NKAIN3: variants seen among roughly 807,000 people sequenced by gnomAD.
NKAIN3 encodes the protein sodium/potassium-transporting ATPase subunit beta-1-interacting protein 3.
NKAIN3 carries 25 observed loss-of-function variants against 30.2 expected under a neutral mutation model. The ratio of observed to expected loss-of-function variants is 0.83; its 90% CI spans 0.60 to 1.16. The LOEUF is 1.16. NKAIN3 is among the 50% of genes most tolerant of loss of function. The probability of loss-of-function intolerance (pLI) is 0.00; values close to 1 mark genes in which losing one functional copy is unlikely to be tolerated. For missense variants in NKAIN3, 225 were observed against 254.1 expected (o/e 0.89, Z 0.78); for synonymous variants, 91 against 89.6 (o/e 1.02, Z -0.09).
At chr8:62,636,651 T>C (rs952544306) in intron 3 of NKAIN3, among the ~76,000 whole-genome samples, 5 of 152,294 alleles carry the variant, frequency 3.3e-5, no homozygotes, top group Non-Finnish European at 5.9e-5. Flanking sequence ...TAGGGGAGCA[T>C]TTTAGTGGGC....
intron 6 of NKAIN3, among the ~76,000 whole-genome samples, chr8:62,960,723 CG>C (rs1277779109): frequency 9.5e-6 from 1 of 105,594 alleles, no homozygotes; most frequent in Non-Finnish European, 1.8e-5. Flanking sequence ...TTACACAATA[CG>C]CAGGAAAAAA....
intron 5 of NKAIN3, among the ~76,000 whole-genome samples, chr8:62,938,906 T>C (rs943669669): frequency 3.9e-5 from 6 of 152,058 alleles, no homozygotes; most frequent in Non-Finnish European, 7.4e-5. Context: ...ACAAGAAATA[T>C]CTGTATGCCA....
At chr8:62,292,667 C>T (rs1224291355) in intron 1 of NKAIN3, among the ~76,000 whole-genome samples, 1 of 152,138 alleles carries the variant, frequency 6.6e-6, no homozygotes, top group Non-Finnish European at 1.5e-5. Flanking sequence ...CTGCTCTTAA[C>T]AATTTTTTCC....
intron 1 of NKAIN3, among the ~76,000 whole-genome samples, chr8:62,250,304 T>C (rs1812060533): frequency 6.6e-6 from 1 of 152,188 alleles, no homozygotes; most frequent in Non-Finnish European, 1.5e-5. Context: ...GGATGTGCCC[T>C]TCATTGTTCA....
chr8:62,879,362 TG>T (rs1222696771), intron 4 of NKAIN3, among the ~76,000 whole-genome samples: 15 of 152,218 alleles, frequency 9.9e-5, no homozygotes, highest in African/African-American at 3.6e-4. Flanking sequence ...TGGGGCTGTT[TG>T]TTTTTTTCTT....
chr8:62,743,236 G>A (rs931386203), intron 3 of NKAIN3, among the ~76,000 whole-genome samples: 8 of 152,130 alleles, frequency 5.3e-5, no homozygotes, highest in Non-Finnish European at 1.0e-4. Flanking sequence ...TATTTTCTGT[G>A]TGGTGTTTCC....
At chr8:62,791,885 T>C (rs545013646) in intron 4 of NKAIN3, among the ~76,000 whole-genome samples, 1 of 152,258 alleles carries the variant, frequency 6.6e-6, no homozygotes, top group East Asian at 1.9e-4. Flanking sequence ...TGTTCTGTCT[T>C]TCTTGGCTTT....
At chr8:62,777,061 G>A (rs1563556805) in intron 4 of NKAIN3, among the ~76,000 whole-genome samples, 4 of 152,174 alleles carry the variant, frequency 2.6e-5, no homozygotes, top group African/African-American at 9.7e-5. Context: ...TGACAAGTCT[G>A]CTGCCAGGCA....
intron 1 of NKAIN3, among the ~76,000 whole-genome samples, chr8:62,301,166 A>G (rs1221895167): frequency 6.6e-6 from 1 of 152,042 alleles, no homozygotes; most frequent in Non-Finnish European, 1.5e-5. Context: ...AGGAAATTCT[A>G]TAAATTCAAA....
intron 3 of NKAIN3, among the ~76,000 whole-genome samples, chr8:62,594,094 G>T (rs796926603): frequency 5.9e-5 from 9 of 151,996 alleles, no homozygotes; most frequent in African/African-American, 1.9e-4. Context: ...AAAAACTTTG[G>T]GGTTTTTCTT....
intron 4 of NKAIN3, among the ~76,000 whole-genome samples, chr8:62,814,021 G>T (rs1344857406): frequency 6.6e-6 from 1 of 151,968 alleles, no homozygotes; most frequent in African/African-American, 2.4e-5. Flanking sequence ...GTCTAATAAG[G>T]ATTCCCTTAC....
intron 4 of NKAIN3, among the ~76,000 whole-genome samples, chr8:62,830,913 C>T (rs1819177712): frequency 6.6e-6 from 1 of 152,212 alleles, no homozygotes; most frequent in Non-Finnish European, 1.5e-5. Flanking sequence ...GCAGGCCTGC[C>T]TGTTTCAGTC....
intron 4 of NKAIN3, among the ~76,000 whole-genome samples, chr8:62,766,912 C>T (rs1448093103): frequency 6.6e-6 from 1 of 151,412 alleles, no homozygotes; most frequent in Non-Finnish European, 1.5e-5. Context: ...TCAGCCCCAC[C>T]CCCCGACCCC....
intron 1 of NKAIN3, among the ~76,000 whole-genome samples, chr8:62,291,186 C>A (rs1367346496): frequency 1.3e-5 from 2 of 152,078 alleles, no homozygotes; most frequent in African/African-American, 4.8e-5. Context: ...TTTCAAAAAA[C>A]CAGCTCCTGG....
intron 3 of NKAIN3, among the ~76,000 whole-genome samples, chr8:62,701,303 G>A (rs1814324139): frequency 1.3e-5 from 2 of 152,148 alleles, no homozygotes; most frequent in Admixed American, 1.3e-4. Flanking sequence ...TACTACACAT[G>A]ACCAGCCATT....
chr8:62,597,288 T>C (rs1407213822), intron 3 of NKAIN3, among the ~76,000 whole-genome samples: 1 of 152,118 alleles, frequency 6.6e-6, no homozygotes, highest in Non-Finnish European at 1.5e-5. Flanking sequence ...AAGCCGCTTC[T>C]GCTTCATGTG....
At position 62,976,353 on chromosome 8, in the gene NKAIN3, T is replaced by C. The variant is rs1335406528; in HGVS notation, c.*10946T>C. Reference sequence around the variant, plus strand: ...TGTAGGTCTCTAAGAACTTGCTTTATGAATCTGGGTGCTCCACTATTAGGT... The same window carrying C: ...TGTAGGTCTCTAAGAACTTGCTTTACGAATCTGGGTGCTCCACTATTAGGT... On this transcript the variant is annotated 3_prime_UTR_variant, in exon 7 of 7. Transcript: ENST00000623646. Among the ~76,000 whole-genome samples the C allele has an allele frequency of 1.3e-5, 2 of 152,198 alleles. No individual in the cohort carries two copies. Among genetic ancestry groups the C allele is most frequent in the South Asian group, 2.1e-4 (1 of 4,828 alleles).
In NKAIN3 at chr8:62,471,450, G is replaced by A. The variant is rs187556668; in HGVS notation, c.55-108089G>A. On this transcript the variant is annotated intron_variant, in intron 1 of 6. Coordinates refer to ENST00000623646, the MANE Select transcript of NKAIN3 (RefSeq NM_001304533.3). ...AAGTTCTGTGAAAACGATGTTTTAC[G>A]AAAAGTTGTCAATGTTATTTAAAAA... is the stretch of plus-strand genomic sequence containing the variant. Among the ~76,000 whole-genome samples the A allele has an allele frequency of 2.0e-3, 297 of 152,104 alleles. 2 individuals are homozygous for A. Among genetic ancestry groups the A allele is most frequent in the African/African-American group, 6.7e-3 (277 of 41,484 alleles).
At chr8:62,657,376 G>A (rs1257982922) in intron 3 of NKAIN3, among the ~76,000 whole-genome samples, 2 of 152,230 alleles carry the variant, frequency 1.3e-5, no homozygotes, top group Non-Finnish European at 2.9e-5. Flanking sequence ...CTTTACATAT[G>A]TGTTATTTAA....
Sources: gnomAD v4.1 joint callset for allele counts (sites outside exome capture counted in the v4.1 genomes callset) on GRCh38, gnomAD v4.1.1 for gene constraint, MANE v1.5 for transcripts, NCBI Gene and HGNC (gene_info 2026-07-23, HGNC 2026-07-21) for gene names.